Variants in ZNF738 observed in about 807,000 individuals in gnomAD.
ZNF738 encodes the protein protein ZNF738.
Under a neutral mutation model 9.2 loss-of-function variants are expected in ZNF738, and 10 were observed. The observed-to-expected ratio is 1.09, with a 90% confidence interval of 0.67 to 1.85. The LOEUF (loss-of-function observed/expected upper bound fraction) is 1.85. Ranked by LOEUF, ZNF738 falls within the 40% of genes most tolerant of loss-of-function variation. The probability of loss-of-function intolerance (pLI) is 0.00; values close to 1 mark genes in which losing one functional copy is unlikely to be tolerated. For missense variants in ZNF738, 346 were observed against 283.6 expected, an observed-to-expected ratio of 1.22 and a Z score of -1.58; for synonymous variants, 113 against 94.5, an observed-to-expected ratio of 1.20 and a Z score of -1.14.
intron 2 of ZNF738, among the ~76,000 whole-genome samples, chr19:21,367,243 C>T (rs1354622255): frequency 6.6e-6 from 1 of 152,156 alleles, no homozygotes; most frequent in Non-Finnish European, 1.5e-5. Flanking sequence ...TTCTATTTGA[C>T]TTTCCTCAGT....
At chr19:21,373,296 G>A (rs144483376) in intron 2 of ZNF738, among the ~76,000 whole-genome samples, 1 of 152,148 alleles carries the variant, frequency 6.6e-6, no homozygotes, top group African/African-American at 2.4e-5. Context: ...TATTGTTCTA[G>A]GTGAAAGTAT....
In ZNF738 at chr19:21,368,793, A is replaced by G. The variant is rs529738872; in HGVS notation, c.97-6445A>G. 4.0e-5 allele frequency among the ~76,000 whole-genome samples: 6 copies of G among 151,734 alleles called. No homozygotes were observed. In the East Asian group the frequency reaches 7.8e-4, roughly 20 times the overall value. ...ACTCTGTTGCTCAGGCTGGAGTACA[A>G]TGGTGTGATCTCTGCTTACTGCAAC... On this transcript the variant is annotated intron_variant, in intron 2 of 4. Coordinates refer to ENST00000683779, the MANE Select transcript of ZNF738 (RefSeq NM_001355237.2).
Position 21,377,563 on chromosome 19 carries a change from A to C in ZNF738, c.319+1599A>C, listed in dbSNP as rs764004578. ...TTTGTCATAGGTTCCCAGTTAATAAATCTATTATTGTTTAATGTCTTTCTT... is the reference window on the plus strand; with the variant it reads ...TTTGTCATAGGTTCCCAGTTAATAACTCTATTATTGTTTAATGTCTTTCTT... On this transcript the variant is annotated intron_variant, in intron 4 of 4. Transcript: ENST00000683779. 97 of 523,722 alleles carry C rather than the reference A, an allele frequency of 1.9e-4. 1 individual carries two copies. The highest frequency in any genetic ancestry group is 4.1e-4 in the South Asian group (15 of 36,566). 32.4% of individuals were successfully genotyped at this position (523,722 alleles called of 1,614,324 possible).
chr19:21,387,782 A>AGG lies in ZNF738; in HGVS notation c.*4110_*4111dup, dbSNP rs1974084119. On this transcript the variant is annotated 3_prime_UTR_variant, in exon 5 of 5. Transcript: ENST00000683779. ...GAAGATGGACATTACAAACATAAAG[A>AGG]GGGTTGTAGTACCTTTACTTGAATC... Among the ~76,000 whole-genome samples the AGG allele has an allele frequency of 6.6e-6, 1 of 152,240 alleles. No homozygotes were observed. Among genetic ancestry groups the AGG allele is most frequent in the Admixed American group, 6.5e-5 (1 of 15,284 alleles).
intron 4 of ZNF738, chr19:21,378,114 T>C: frequency 2.5e-6 from 1 of 396,696 alleles, no homozygotes; most frequent in Non-Finnish European, 4.4e-6. Flanking sequence ...CAAAAATTTT[T>C]TCTCATTACA....
intron 4 of ZNF738, chr19:21,377,512 GCACACA>G (rs112058265): frequency 2.2e-5 from 12 of 547,096 alleles, no homozygotes; most frequent in South Asian, 1.1e-4. Flanking sequence ...ACACAGACGT[GCACACA>G]CACACACACA....
intron 2 of ZNF738, among the ~76,000 whole-genome samples, chr19:21,371,528 G>A (rs983087541): frequency 2.0e-5 from 3 of 152,210 alleles, no homozygotes; most frequent in Non-Finnish European, 2.9e-5. Context: ...AGGAGGTCTG[G>A]TGACTCAAAC....
At position 21,361,789 on chromosome 19, in the gene ZNF738, T is replaced by A; in HGVS notation, c.27T>A (p.Tyr9Ter). The change falls in exon 2 of 5, where the codon TAT becomes TAA. Residue 9 changes from tyrosine (Y) to a stop codon, truncating the protein, a stop_gained. Coordinates refer to ENST00000683779, the MANE Select transcript of ZNF738 (RefSeq NM_001355237.2). LOFTEE classifies it high-confidence loss of function. MDDLRYGV[Y>*]PVKGASGYPG... is the part of the protein sequence containing the mutation. ...AGGACGACCTGAGGTATGGAGTGTA[T>A]CCTGTCAAGGGGGCAAGTGGATACC... 1.3e-6 allele frequency: 1 copy of A among 780,846 alleles called. No individual in the cohort carries two copies. Among genetic ancestry groups the A allele is most frequent in the Non-Finnish European group, 2.4e-6 (1 of 418,054 alleles). The allele number at this position is 780,846 out of a possible 1,614,324, so 48.4% of individuals were successfully genotyped here. A position where few individuals can be genotyped will look rare whatever the true frequency, so the allele number is the denominator to read the frequency against.
rs1974045618 is a variant in ZNF738, at chr19:21,384,627, C to T, written c.*953C>T. ...CAAAGCTTTTTAAAAATCCTCAAAC[C>T]TTACTAATCATAAGATAACTCATAC... On this transcript the variant is annotated 3_prime_UTR_variant, in exon 5 of 5. Coordinates refer to ENST00000683779, the MANE Select transcript of ZNF738 (RefSeq NM_001355237.2). Among the ~76,000 whole-genome samples the T allele has an allele frequency of 6.6e-6, 1 of 152,064 alleles. No individual in the cohort carries two copies. Among genetic ancestry groups the T allele is most frequent in the Non-Finnish European group, 1.5e-5 (1 of 68,018 alleles).
Position 21,385,049 on chromosome 19 carries a change from T to TA in ZNF738, c.*1376dup, listed in dbSNP as rs1199403526. Among the ~76,000 whole-genome samples the TA allele has an allele frequency of 1.3e-5, 2 of 152,234 alleles. No individual in the cohort carries two copies. Among genetic ancestry groups the TA allele is most frequent in the African/African-American group, 2.4e-5 (1 of 41,456 alleles). Reference sequence around the variant, plus strand: ...AAGGCTTTGACTGGTCCTCTACCCTTACTAAAGATAAAAGAGTTTGACTGG... The same window carrying TA: ...AAGGCTTTGACTGGTCCTCTACCCTTAACTAAAGATAAAAGAGTTTGACTGG... On this transcript the variant is annotated 3_prime_UTR_variant, in exon 5 of 5. Transcript: ENST00000683779.
chr19:21,370,446 A>G (rs1973841637), intron 2 of ZNF738, among the ~76,000 whole-genome samples: 1 of 152,222 alleles, frequency 6.6e-6, no homozygotes, highest in Non-Finnish European at 1.5e-5. Flanking sequence ...TTGAAATAAT[A>G]TTAGTAGAAG....
intron 2 of ZNF738, 33 bp from the exon 3 acceptor site, chr19:21,375,205 T>G (rs55961038): frequency 0.18 from 165,102 of 898,862 alleles, 15,754 homozygotes; most frequent in Non-Finnish European, 0.21. Flanking sequence ...CCGTGGACAC[T>G]TGTAAATATG....
Position 21,386,500 on chromosome 19 carries a change from C to A in ZNF738, c.*2826C>A. ...CATAATTCATACTGGAGAGAAACCT[C>A]ACAACTGTGAAGAATGTGGCAAAGC... On this transcript the variant is annotated 3_prime_UTR_variant, in exon 5 of 5. Transcript: ENST00000683779. 1 of 349,016 alleles carries A rather than the reference C, an allele frequency of 2.9e-6. No homozygotes were observed. The highest frequency in any genetic ancestry group is 2.8e-5 in the South Asian group (1 of 35,964). 21.6% of individuals were successfully genotyped at this position (349,016 alleles called of 1,614,324 possible). A position where few individuals can be genotyped will look rare whatever the true frequency, so the allele number is the denominator to read the frequency against.
chr19:21,364,237 G>A (rs11880751), intron 2 of ZNF738, among the ~76,000 whole-genome samples: 2,400 of 148,596 alleles, frequency 0.016, 80 homozygotes, highest in African/African-American at 0.053. Context: ...TGCAACAGGA[G>A]GAATACCAAT....
chr19:21,369,033 T>C (rs1356950026), intron 2 of ZNF738, among the ~76,000 whole-genome samples: 1 of 152,148 alleles, frequency 6.6e-6, no homozygotes, highest in Non-Finnish European at 1.5e-5. Context: ...CCACAGTGCC[T>C]GGCTTTGTGT....
chr19:21,373,730 A>T (rs781334993), intron 2 of ZNF738, among the ~76,000 whole-genome samples: 1 of 147,816 alleles, frequency 6.8e-6, no homozygotes, highest in Admixed American at 6.8e-5. Context: ...TCTCCAGAGA[A>T]TGTCATCTGA....
chr19:21,381,426 A>G, intron 4 of ZNF738: 1 of 1,499,586 alleles, frequency 6.7e-7, no homozygotes, highest in East Asian at 2.3e-5. Context: ...TCTAGAGTAT[A>G]AGAAAGGCCA....
chr19:21,361,761 C>T lies in ZNF738; in HGVS notation c.4-5C>T, dbSNP rs1255247054. Reference sequence around the variant, plus strand: ...TATCAGCTTCTGGTTTATTTTCTCCCATAGGACGACCTGAGGTATGGAGTG... The same window carrying T: ...TATCAGCTTCTGGTTTATTTTCTCCTATAGGACGACCTGAGGTATGGAGTG... On this transcript the variant is annotated splice_polypyrimidine_tract_variant and splice_region_variant and intron_variant, in intron 1 of 4. Transcript: ENST00000683779. 2.6e-6 allele frequency: 2 copies of T among 780,412 alleles called. No homozygotes were observed. Among genetic ancestry groups the T allele is most frequent in the East Asian group, 4.9e-5 (2 of 41,210 alleles). The allele number at this position is 780,412 out of a possible 1,614,324, so 48.3% of individuals were successfully genotyped here. A position where few individuals can be genotyped will look rare whatever the true frequency, so the allele number is the denominator to read the frequency against.
intron 4 of ZNF738, chr19:21,378,007 A>C (rs748967177): frequency 2.8e-5 from 11 of 397,260 alleles, no homozygotes; most frequent in Non-Finnish European, 4.4e-5. Context: ...TTCTGTGTCT[A>C]TACAGGCATA....
Sources: gnomAD v4.1 joint callset for allele counts (sites outside exome capture counted in the v4.1 genomes callset) on GRCh38, gnomAD v4.1.1 for gene constraint, MANE v1.5 for transcripts, NCBI Gene and HGNC (gene_info 2026-07-23, HGNC 2026-07-21) for gene names.